Variants in ARID1B observed in about 807,000 individuals in gnomAD.
ARID1B encodes the protein AT-rich interaction domain 1B.
Under a neutral mutation model 212.3 loss-of-function variants are expected in ARID1B, and 30 were observed. The observed-to-expected ratio is 0.14, with a 90% confidence interval of 0.11 to 0.19. The LOEUF (loss-of-function observed/expected upper bound fraction) is 0.19, where lower values mean the gene tolerates loss of function less well. ARID1B is among the 10% of genes least tolerant of loss of function. ARID1B has a pLI of 1.00. For missense variants in ARID1B, 2,891 were observed against 3,204.0 expected (o/e 0.90, Z 2.36); for synonymous variants, 1,402 against 1,301.7 (o/e 1.08, Z -1.66).
intron 4 of ARID1B, among the ~76,000 whole-genome samples, chr6:157,042,627 G>GT (rs1440192247): frequency 6.6e-6 from 1 of 151,294 alleles, no homozygotes; most frequent in Non-Finnish European, 1.5e-5. Flanking sequence ...TGCTATCATT[G>GT]GGTCCCACAA....
intron 2 of ARID1B, among the ~76,000 whole-genome samples, chr6:156,835,985 C>T (rs1462427739): frequency 6.6e-6 from 1 of 152,066 alleles, no homozygotes; most frequent in Admixed American, 6.6e-5. Context: ...TTAGGTAGCA[C>T]TGAATGAGTA....
In ARID1B at chr6:157,181,315, AC is replaced by A. The variant is rs1052752328; in HGVS notation, c.3714+140del. 71 of 1,111,730 alleles carry A rather than the reference AC, an allele frequency of 6.4e-5. 1 individual carries two copies. Among genetic ancestry groups the A allele is most frequent in the Non-Finnish European group, 8.6e-5 (68 of 791,242 alleles). 68.9% of individuals were successfully genotyped at this position (1,111,730 alleles called of 1,614,324 possible). A position where few individuals can be genotyped will look rare whatever the true frequency, so the allele number is the denominator to read the frequency against. The stretch of plus-strand genomic sequence containing the variant: ...CCTGTGTGAAAGTCGCCTTCTTGCA[AC>A]CCACGTCTGTGTGCTGTCAGGGAGC... On this transcript the variant is annotated intron_variant, in intron 12 of 19. Transcript: ENST00000636930.
intron 2 of ARID1B, among the ~76,000 whole-genome samples, chr6:156,840,514 A>G (rs751482315): frequency 1.2e-4 from 18 of 152,002 alleles, no homozygotes; most frequent in Non-Finnish European, 2.1e-4. Flanking sequence ...CGAATCCTAG[A>G]CTCTGGCCAG....
intron 4 of ARID1B, among the ~76,000 whole-genome samples, chr6:157,078,002 C>T (rs1481358304): frequency 6.6e-6 from 1 of 152,088 alleles, no homozygotes; most frequent in Non-Finnish European, 1.5e-5. Flanking sequence ...CATCATTGTT[C>T]CTGGAATAAT....
At chr6:156,946,865 C>A (rs957922503) in intron 4 of ARID1B, among the ~76,000 whole-genome samples, 1 of 152,134 alleles carries the variant, frequency 6.6e-6, no homozygotes, top group Non-Finnish European at 1.5e-5. Flanking sequence ...CTGCTCAAAT[C>A]CTGTAACATC....
chr6:157,010,599 C>T (rs1330161505), intron 4 of ARID1B, among the ~76,000 whole-genome samples: 1 of 149,972 alleles, frequency 6.7e-6, no homozygotes, highest in Non-Finnish European at 1.5e-5. Context: ...GGATTACAGG[C>T]GTGAGCCACC....
chr6:156,966,004 G>A (rs1349779756), intron 4 of ARID1B, among the ~76,000 whole-genome samples: 3 of 152,180 alleles, frequency 2.0e-5, no homozygotes, highest in African/African-American at 7.2e-5. Flanking sequence ...ACAACCACAT[G>A]AGATCTCTGG....
intron 2 of ARID1B, among the ~76,000 whole-genome samples, chr6:156,891,537 TTATACC>T (rs1389987222): frequency 6.6e-6 from 1 of 152,230 alleles, no homozygotes; most frequent in Non-Finnish European, 1.5e-5. Context: ...TGTTAATTCT[TTATACC>T]TATACCACAA....
chr6:157,186,457 C>T (rs954542667), intron 13 of ARID1B: 1 of 471,046 alleles, frequency 2.1e-6, no homozygotes, highest in African/African-American at 2.0e-5. Context: ...TCCAGGCACA[C>T]ACAGGCGTCT....
Position 156,778,973 on chromosome 6 carries a change from A to G in ARID1B, c.1293A>G (p.Ala431=), listed in dbSNP as rs1331367859. The change falls in exon 1 of 20, where the codon GCA becomes GCG. Residue 431 remains alanine, a synonymous_variant. Transcript: ENST00000636930. The stretch of plus-strand genomic sequence containing the variant: ...CGGCGGCGGCCGCGGCGGCGGCGGC[A>G]GCAGCAGGAGGCGGCGGCGGCGGCG... The part of the protein sequence containing the change: ...AVAAAAAAAA[A]AAGGGGGGGY... The G allele has an allele frequency of 3.1e-6, 4 of 1,272,450 alleles. No homozygotes were observed. The highest frequency in any genetic ancestry group is 3.9e-6 in the Non-Finnish European group (4 of 1,020,502). 78.8% of individuals were successfully genotyped at this position (1,272,450 alleles called of 1,614,324 possible).
chr6:156,935,501 A>G lies in ARID1B; in HGVS notation c.2172A>G (p.Gln724=). 6.2e-7 allele frequency: 1 copy of G among 1,613,962 alleles called. No homozygotes were observed. Among genetic ancestry groups the G allele is most frequent in the Non-Finnish European group, 8.5e-7 (1 of 1,179,914 alleles). The change falls in exon 4 of 20, where the codon CAA becomes CAG. Residue 724 remains glutamine, a synonymous_variant. Coordinates refer to ENST00000636930, the MANE Select transcript of ARID1B (RefSeq NM_001374828.1). The part of the protein sequence containing the change: ...MSQEGYGTRS[Q]PPLAPGKPNH... ...AGGAAGGCTATGGAACTAGATCTCA[A>G]CCTCCTCTGGCCCCCGGAAAACCTA...
chr6:157,098,486 G>A (rs910485017), intron 5 of ARID1B, among the ~76,000 whole-genome samples: 4 of 152,306 alleles, frequency 2.6e-5, no homozygotes, highest in South Asian at 2.1e-4. Context: ...TGCAAAGGGT[G>A]TGTTTTGATG....
intron 8 of ARID1B, among the ~76,000 whole-genome samples, chr6:157,158,259 T>C (rs774017273): frequency 6.6e-6 from 1 of 152,226 alleles, no homozygotes; most frequent in Non-Finnish European, 1.5e-5. Flanking sequence ...ATGTTTGGCT[T>C]TACCAAACTA....
At chr6:157,053,507 T>C (rs984734138) in intron 4 of ARID1B, among the ~76,000 whole-genome samples, 1 of 152,240 alleles carries the variant, frequency 6.6e-6, no homozygotes, top group Non-Finnish European at 1.5e-5. Context: ...CTATTAACTT[T>C]TCTACATCTT....
In ARID1B at chr6:156,871,674, C is replaced by G. The variant is rs775572787; in HGVS notation, c.1987-29702C>G. 4.3e-6 allele frequency: 7 copies of G among 1,609,640 alleles called. No individual in the cohort carries two copies. In the South Asian group the frequency reaches 6.7e-5, roughly 15 times the overall value. The stretch of plus-strand genomic sequence containing the variant: ...GTTGGCAAGTATCTTCTTACATGCT[C>G]TTACTTGCTCCAAGTCTTTGGGACA... On this transcript the variant is annotated intron_variant, in intron 2 of 19. Transcript: ENST00000636930.
chr6:156,822,050 G>T (rs1281186487), intron 1 of ARID1B, among the ~76,000 whole-genome samples: 3 of 151,652 alleles, frequency 2.0e-5, no homozygotes, highest in African/African-American at 7.3e-5. Context: ...CACCATGTTG[G>T]CCAGGCTGAT....
At chr6:156,905,388 C>G (rs1329027934) in intron 3 of ARID1B, among the ~76,000 whole-genome samples, 1 of 152,146 alleles carries the variant, frequency 6.6e-6, no homozygotes, top group Non-Finnish European at 1.5e-5. Context: ...AAGTCAAAGA[C>G]AGCTTGCTGG....
intron 2 of ARID1B, among the ~76,000 whole-genome samples, chr6:156,849,989 A>G: frequency 6.7e-6 from 1 of 148,642 alleles, no homozygotes; most frequent in Non-Finnish European, 1.5e-5. Context: ...CACCTGTTAG[A>G]GCTGGAAGTG....
At chr6:156,812,701 A>T (rs764749384) in intron 1 of ARID1B, among the ~76,000 whole-genome samples, 1 of 151,738 alleles carries the variant, frequency 6.6e-6, no homozygotes, top group Non-Finnish European at 1.5e-5. Context: ...TTTCTAACTC[A>T]TGCCTTCTTT....
Sources: allele counts gnomAD v4.1 joint callset (sites outside exome capture counted in the v4.1 genomes callset), GRCh38; gene constraint gnomAD v4.1.1; transcripts MANE v1.5; gene names NCBI Gene and HGNC (gene_info 2026-07-23, HGNC 2026-07-21).